Variants in SCAF8 observed in about 807,000 individuals in gnomAD.
The protein encoded by SCAF8 is SR-related CTD associated factor 8, also known as SR-related and CTD-associated factor 8.
A neutral mutation model predicts 140.5 loss-of-function variants in SCAF8; 23 were observed. That is an observed-to-expected ratio of 0.16 (90% CI 0.12 to 0.23). SCAF8 has a LOEUF of 0.23. Ranked by LOEUF, SCAF8 falls within the 10% of genes least tolerant of loss-of-function variation. The probability of loss-of-function intolerance (pLI) is 1.00; values close to 1 mark genes in which losing one functional copy is unlikely to be tolerated. For missense variants in SCAF8, 1,397 were observed against 1,555.7 expected (o/e 0.90, Z 1.72); for synonymous variants, 575 against 528.9 (o/e 1.09, Z -1.20).
Position 154,827,837 on chromosome 6 carries a change from G to GC in SCAF8, c.2140+597_2140+598insC, listed in dbSNP as rs1241733573. Reference sequence around the variant, plus strand: ...CCACACCTTTTTTGGGGCGGGGCGGGGGGGGGGGCGGTGTAAAACTTTATT... The same window carrying GC: ...CCACACCTTTTTTGGGGCGGGGCGGGCGGGGGGGGCGGTGTAAAACTTTATT... On this transcript the variant is annotated intron_variant, in intron 18 of 19. Transcript: ENST00000367178. 4.4e-4 allele frequency among the ~76,000 whole-genome samples: 66 copies of GC among 148,388 alleles called. 1 individual carries two copies. In the East Asian group the frequency reaches 7.8e-3, roughly 18 times the overall value.
chr6:154,826,377 ATATTT>A (rs1483576695), intron 17 of SCAF8, among the ~76,000 whole-genome samples: 1 of 152,146 alleles, frequency 6.6e-6, no homozygotes, highest in Non-Finnish European at 1.5e-5. Flanking sequence ...TACAAAAGGT[ATATTT>A]TATTAAAAAT....
intron 3 of SCAF8, among the ~76,000 whole-genome samples, chr6:154,784,442 T>C (rs1777192476): frequency 6.6e-6 from 1 of 152,146 alleles, no homozygotes; most frequent in African/African-American, 2.4e-5. Flanking sequence ...TAGAGAAACT[T>C]TTGCCTCTTG....
chr6:154,783,588 A>G (rs900675312), intron 3 of SCAF8, among the ~76,000 whole-genome samples: 2 of 152,246 alleles, frequency 1.3e-5, no homozygotes, highest in East Asian at 3.8e-4. Context: ...AGATGGTGCT[A>G]AACTGTCTAG....
intron 1 of SCAF8, chr6:154,742,161 A>C (rs1302288530): frequency 1.8e-6 from 1 of 554,316 alleles, no homozygotes; most frequent in East Asian, 3.1e-5. Context: ...GGTAGTCTTA[A>C]AAGAGAGCGT....
intron 1 of SCAF8, among the ~76,000 whole-genome samples, chr6:154,740,301 T>G (rs144375583): frequency 1.6e-3 from 239 of 152,286 alleles, no homozygotes; most frequent in African/African-American, 5.5e-3. Flanking sequence ...CCCTGGCCTC[T>G]ATGCATTAGA....
chr6:154,755,013 G>C lies in SCAF8; in HGVS notation c.31-18976G>C, dbSNP rs186132831. 1.5e-3 allele frequency among the ~76,000 whole-genome samples: 226 copies of C among 152,188 alleles called. 1 individual carries two copies. The highest frequency in any genetic ancestry group is 5.0e-3 in the African/African-American group (209 of 41,534). ...ATAAATACTCAAAGTTGAAAACTTGGAATTATTTTAGATGCTACTCTTTCA... is the reference window on the plus strand; with the variant it reads ...ATAAATACTCAAAGTTGAAAACTTGCAATTATTTTAGATGCTACTCTTTCA... On this transcript the variant is annotated intron_variant, in intron 1 of 19. Transcript: ENST00000367178.
chr6:154,809,935 G>GT, intron 11 of SCAF8, 80 bp from the exon 12 acceptor site: 2 of 1,154,374 alleles, frequency 1.7e-6, no homozygotes. Flanking sequence ...TTTTGTTATT[G>GT]TTTTTTCCCT....
At chr6:154,807,467 G>A (rs1777956095) in intron 9 of SCAF8, among the ~76,000 whole-genome samples, 4 of 151,360 alleles carry the variant, frequency 2.6e-5, no homozygotes, top group South Asian at 2.1e-4. Flanking sequence ...TGCTACCTCC[G>A]CCTCTCAGGT....
chr6:154,815,953 G>T, intron 13 of SCAF8, 137 bp downstream of exon 13: 1 of 487,062 alleles, frequency 2.1e-6, no homozygotes, highest in Non-Finnish European at 3.8e-6. Flanking sequence ...GCTTTACTTT[G>T]ATAATGTCTG....
chr6:154,744,828 G>A (rs1778657299), intron 1 of SCAF8, among the ~76,000 whole-genome samples: 2 of 152,072 alleles, frequency 1.3e-5, no homozygotes, highest in Admixed American at 1.3e-4. Flanking sequence ...CCAGATTTCT[G>A]TGCCTCCTGT....
At chr6:154,743,198 GTCCACTGTTCAAAATAGAGACT>G (rs1262254542) in intron 1 of SCAF8, among the ~76,000 whole-genome samples, 1 of 152,144 alleles carries the variant, frequency 6.6e-6, no homozygotes, top group African/African-American at 2.4e-5. Context: ...CAGATTGCCT[GTCCACTGTTCAAAATAGAGACT>G]GAACAGGTAG....
At chr6:154,771,472 A>G (rs1165454575) in intron 1 of SCAF8, among the ~76,000 whole-genome samples, 2 of 152,208 alleles carry the variant, frequency 1.3e-5, no homozygotes, top group Non-Finnish European at 2.9e-5. Context: ...GGTAGACAGG[A>G]GTTAGAATGG....
At chr6:154,735,419 A>G (rs1778388639) in intron 1 of SCAF8, among the ~76,000 whole-genome samples, 1 of 151,972 alleles carries the variant, frequency 6.6e-6, no homozygotes, top group Admixed American at 6.5e-5. Flanking sequence ...TATTTTCAAT[A>G]GCAGTGATAC....
intron 12 of SCAF8, among the ~76,000 whole-genome samples, chr6:154,812,176 C>CTTTT (rs67493657): frequency 1.9e-5 from 2 of 106,402 alleles, no homozygotes; most frequent in South Asian, 3.4e-4. Flanking sequence ...AAGATACTGC[C>CTTTT]TTTTTTTTTT....
At chr6:154,795,415 A>G (rs186450552) in intron 6 of SCAF8, among the ~76,000 whole-genome samples, 1 of 152,352 alleles carries the variant, frequency 6.6e-6, no homozygotes, top group Admixed American at 6.5e-5. Context: ...ACACTCCAGT[A>G]ACAAGACAGG....
rs765194638 is a variant in SCAF8, at chr6:154,832,950, G to A, written c.3371G>A (p.Arg1124Gln). The A allele has an allele frequency of 6.2e-6, 10 of 1,614,072 alleles. No individual in the cohort carries two copies. The South Asian group carries it at 8.8e-5, about 14-fold the overall frequency. Residue 1124 changes from arginine to glutamine, a missense_variant, in exon 20 of 20, where the codon CGG (arginine) becomes CAG (glutamine). Arg to Gln is a conservative substitution (Grantham distance 43). This residue lies in a region of SCAF8 where 930 missense variants were observed against 874.6 expected (regional missense o/e 1.06). Transcript: ENST00000367178. Reference sequence around the variant, plus strand: ...TTACATGAAGAAAGAGGTAGATTTCGGTCTGGAAACTATCGATTTGATCCT... The same window carrying A: ...TTACATGAAGAAAGAGGTAGATTTCAGTCTGGAAACTATCGATTTGATCCT... ...KGLHEERGRFRSGNYRFDPRS... is the reference protein window; with the variant it reads ...KGLHEERGRFQSGNYRFDPRS...
At chr6:154,815,503 A>G (rs1057147548) in intron 12 of SCAF8, among the ~76,000 whole-genome samples, 2 of 152,184 alleles carry the variant, frequency 1.3e-5, no homozygotes, top group African/African-American at 4.8e-5. Flanking sequence ...AACAGGTGAC[A>G]TGTAAGTGGT....
Position 154,778,089 on chromosome 6 carries a change from A to C in SCAF8, c.159+44A>C, listed in dbSNP as rs761620280. On this transcript the variant is annotated intron_variant, in intron 3 of 19. Coordinates refer to ENST00000367178, the MANE Select transcript of SCAF8 (RefSeq NM_014892.5). ...ATACATGTGCTGTAATTGTAGATTA[A>C]TGCCTGTACTCTTCTCCTTTAGATC... The C allele has an allele frequency of 8.2e-6, 9 of 1,093,550 alleles. No individual in the cohort carries two copies. In the Middle Eastern group the frequency reaches 6.0e-4, roughly 73 times the overall value. The allele number at this position is 1,093,550 out of a possible 1,614,324, so 67.7% of individuals were successfully genotyped here.
chr6:154,748,703 G>A (rs1422005504), intron 1 of SCAF8, among the ~76,000 whole-genome samples: 1 of 152,166 alleles, frequency 6.6e-6, no homozygotes, highest in Non-Finnish European at 1.5e-5. Context: ...TAACTCAGAA[G>A]TTTTTAGAAG....
Sources: gnomAD v4.1 joint callset for allele counts (sites outside exome capture counted in the v4.1 genomes callset) on GRCh38, gnomAD v4.1.1 for gene constraint, gnomAD v4.1.1 regional missense constraint, MANE v1.5 for transcripts, NCBI Gene and HGNC (gene_info 2026-07-23, HGNC 2026-07-21) for gene names.